The following ACVR1 variants were observed in gnomAD, a reference collection of about 807,000 sequenced individuals.
ACVR1 encodes the protein activin A receptor type 1.
A neutral mutation model predicts 57.1 loss-of-function variants in ACVR1; 38 were observed. The ratio of observed to expected loss-of-function variants is 0.67; its 90% CI spans 0.51 to 0.87. The LOEUF (loss-of-function observed/expected upper bound fraction) is 0.87, where lower values mean the gene tolerates loss of function less well. ACVR1 is among the 40% of genes least tolerant of loss of function. The pLI, the probability that ACVR1 is intolerant of heterozygous loss-of-function variation, is 0.00. For synonymous variants in ACVR1, 212 were observed against 228.1 expected (o/e 0.93, Z 0.63); for missense variants, 463 against 638.2 (o/e 0.73, Z 2.96).
At chr2:157,845,881 A>T (rs1689113654) in intron 1 of ACVR1, among the ~76,000 whole-genome samples, 1 of 152,242 alleles carries the variant, frequency 6.6e-6, no homozygotes, top group Non-Finnish European at 1.5e-5. Flanking sequence ...AAAGAAATAA[A>T]ATGTACAATG....
intron 9 of ACVR1, among the ~76,000 whole-genome samples, chr2:157,756,991 G>GAT (rs1202092651): frequency 7.4e-6 from 1 of 135,158 alleles, no homozygotes; most frequent in African/African-American, 3.0e-5. Flanking sequence ...ATATATTTGA[G>GAT]ATATATATAT....
chr2:157,742,802 C>T (rs980064541), intron 9 of ACVR1, among the ~76,000 whole-genome samples: 11 of 152,278 alleles, frequency 7.2e-5, no homozygotes, highest in Admixed American at 3.3e-4. Context: ...ATCTTGCCCC[C>T]GAGGTCCTGA....
At position 157,738,466 on chromosome 2, in the gene ACVR1, T is replaced by C. The variant is rs781232217; in HGVS notation, c.1369A>G (p.Ile457Val). 1 of 1,614,096 alleles carries C rather than the reference T, an allele frequency of 6.2e-7. No individual in the cohort carries two copies. The highest frequency in any genetic ancestry group is 1.1e-5 in the South Asian group (1 of 91,078). The part of the protein sequence containing the change: ...VVCVDQQRPN[I>V]PNRWFSDPTL... The stretch of plus-strand genomic sequence containing the variant: ...GGGTCTGAGAACCATCTGTTGGGTA[T>C]GTTTGGCCTTTGTTGATCCACACAG... Residue 457 changes from isoleucine to valine, a missense_variant, in exon 10 of 11, where the codon ATA becomes GTA. Ile to Val is a conservative substitution (Grantham distance 29, BLOSUM62 3). This residue lies in a region of ACVR1 where 146 missense variants were observed against 186.6 expected (regional missense o/e 0.78). Transcript: ENST00000434821.
At chr2:157,754,746 C>T (rs2105241724) in intron 9 of ACVR1, among the ~76,000 whole-genome samples, 1 of 152,226 alleles carries the variant, frequency 6.6e-6, no homozygotes, top group African/African-American at 2.4e-5. Flanking sequence ...GGAATCTTCC[C>T]TAAATCATTC....
chr2:157,767,509 G>A (rs1387052833), intron 7 of ACVR1, among the ~76,000 whole-genome samples: 3 of 152,114 alleles, frequency 2.0e-5, no homozygotes, highest in Admixed American at 6.6e-5. Context: ...GGTAGACAGT[G>A]AAGTTTGGGA....
At chr2:157,802,636 C>T (rs1353079546) in intron 2 of ACVR1, among the ~76,000 whole-genome samples, 1 of 152,120 alleles carries the variant, frequency 6.6e-6, no homozygotes, top group African/African-American at 2.4e-5. Flanking sequence ...CTACTCATCC[C>T]GTAAGTCTCA....
chr2:157,780,723 A>C (rs373724434), intron 3 of ACVR1, 123 bp from the exon 4 acceptor site: 2 of 1,189,844 alleles, frequency 1.7e-6, no homozygotes. Flanking sequence ...GCTAAGCATC[A>C]CCATCAACCA....
intron 1 of ACVR1, among the ~76,000 whole-genome samples, chr2:157,851,894 CACACACACA>C (rs1465166976): frequency 1.0e-4 from 4 of 38,868 alleles, no homozygotes; most frequent in African/African-American, 2.3e-4. Flanking sequence ...CACACACACA[CACACACACA>C]CACACACCAC....
intron 1 of ACVR1, among the ~76,000 whole-genome samples, chr2:157,854,926 C>G (rs565419639): frequency 6.6e-6 from 1 of 151,416 alleles, no homozygotes; most frequent in Non-Finnish European, 1.5e-5. Context: ...GTAGTCCCAG[C>G]TACTCAGGAG....
At chr2:157,869,225 C>T (rs1349850391) in intron 1 of ACVR1, among the ~76,000 whole-genome samples, 1 of 152,078 alleles carries the variant, frequency 6.6e-6, no homozygotes, top group Non-Finnish European at 1.5e-5. Context: ...GTCCAAATCA[C>T]GTATTACTCA....
intron 9 of ACVR1, among the ~76,000 whole-genome samples, chr2:157,752,830 C>A (rs996440765): frequency 1.3e-5 from 2 of 152,128 alleles, no homozygotes; most frequent in Non-Finnish European, 2.9e-5. Flanking sequence ...GGAAACATAT[C>A]AAAACGGAAC....
chr2:157,842,026 C>CAAAAAAAA (rs34227882), intron 1 of ACVR1, among the ~76,000 whole-genome samples: 2 of 99,586 alleles, frequency 2.0e-5, no homozygotes, highest in Non-Finnish European at 3.8e-5. Context: ...GACTCCATCT[C>CAAAAAAAA]AAAAAAAAAA....
chr2:157,778,209 T>G lies in ACVR1; in HGVS notation c.465A>C (p.Glu155Asp). The change falls in exon 5 of 11, where the codon GAA (glutamate) becomes GAC (aspartate). Residue 155 changes from glutamate to aspartate, a missense_variant. By Grantham distance (45) the Glu-to-Asp change is conservative. Transcript: ENST00000434821. The part of the protein sequence containing the change: ...ALRKFKRRNQ[E>D]RLNPRDVEYG... ...ACTCCACGTCTCGGGGATTGAGGCG[T>G]TCTTGGTTGCGCCTTTTAAATTTTC... 1 of 1,614,072 alleles carries G rather than the reference T, an allele frequency of 6.2e-7. No homozygotes were observed. The highest frequency in any genetic ancestry group is 1.1e-5 in the South Asian group (1 of 91,072).
chr2:157,793,752 A>G (rs1260456860), intron 3 of ACVR1, among the ~76,000 whole-genome samples: 1 of 152,300 alleles, frequency 6.6e-6, no homozygotes, highest in African/African-American at 2.4e-5. Flanking sequence ...AACTTCCTGA[A>G]TCCCTAATAA....
At chr2:157,796,486 G>A (rs1388242233) in intron 3 of ACVR1, among the ~76,000 whole-genome samples, 2 of 152,058 alleles carry the variant, frequency 1.3e-5, no homozygotes, top group African/African-American at 2.4e-5. Context: ...CCTGGGAGGA[G>A]AAGGTTGCAG....
intron 1 of ACVR1, among the ~76,000 whole-genome samples, chr2:157,868,844 T>C (rs531318295): frequency 6.6e-6 from 1 of 152,260 alleles, no homozygotes; most frequent in South Asian, 2.1e-4. Flanking sequence ...GAAGACTTGA[T>C]AAATGCTCAA....
intron 9 of ACVR1, among the ~76,000 whole-genome samples, chr2:157,740,685 A>G (rs564499484): frequency 1.3e-5 from 2 of 152,346 alleles, no homozygotes; most frequent in South Asian, 4.1e-4. Context: ...TATAAATGCA[A>G]AAGGAAACAA....
chr2:157,753,743 C>A (rs190873703), intron 9 of ACVR1, among the ~76,000 whole-genome samples: 1 of 152,226 alleles, frequency 6.6e-6, no homozygotes, highest in South Asian at 2.1e-4. Flanking sequence ...TTAAACTATA[C>A]CCTAGAACAA....
intron 3 of ACVR1, among the ~76,000 whole-genome samples, chr2:157,789,204 T>C (rs190509672): frequency 2.4e-4 from 37 of 152,324 alleles, no homozygotes; most frequent in Admixed American, 2.1e-3. Context: ...TCCAGGTGCC[T>C]ACACTCCAGG....
Sources: gnomAD v4.1 joint callset for allele counts (sites outside exome capture counted in the v4.1 genomes callset) on GRCh38, gnomAD v4.1.1 for gene constraint, gnomAD v4.1.1 regional missense constraint, MANE v1.5 for transcripts, NCBI Gene and HGNC (gene_info 2026-07-23, HGNC 2026-07-21) for gene names.